The following PCDHGA4 variants were observed in gnomAD, a reference collection of about 807,000 sequenced individuals.
The protein encoded by PCDHGA4 is protocadherin gamma-A4.
In PCDHGA4, 38 loss-of-function variants were observed where a neutral mutation model predicts 54.6. The ratio of observed to expected loss-of-function variants is 0.70; its 90% CI spans 0.54 to 0.91. The LOEUF (loss-of-function observed/expected upper bound fraction) is 0.91. Ranked by LOEUF, PCDHGA4 falls within the 40% of genes least tolerant of loss-of-function variation. The pLI is 0.00. For missense variants in PCDHGA4, 1,298 were observed against 1,220.9 expected, an observed-to-expected ratio of 1.06 and a Z score of -0.94; for synonymous variants, 511 against 512.9, an observed-to-expected ratio of 1.00 and a Z score of 0.05.
At position 141,490,370 on chromosome 5, in the gene PCDHGA4, G is replaced by A. The variant is rs768474199; in HGVS notation, c.2515-4437G>A. Reference sequence around the variant, plus strand: ...GTGGGGTTGTTTAATGTGCGAGACCGGGACTCAGGTAGAAATGGTGAAGTG... The same window carrying A: ...GTGGGGTTGTTTAATGTGCGAGACCAGGACTCAGGTAGAAATGGTGAAGTG... On this transcript the variant is annotated intron_variant, in intron 1 of 3. Coordinates refer to ENST00000571252, the MANE Select transcript of PCDHGA4 (RefSeq NM_018917.4). The surrounding 1 kb of genome is among the most constrained non-coding windows in gnomAD (Gnocchi z 5.4). 32 of 1,614,054 alleles carry A rather than the reference G, an allele frequency of 2.0e-5. No homozygotes were observed. The highest frequency in any genetic ancestry group is 1.0e-4 in the Admixed American group (6 of 60,006).
rs149553852 is a variant in PCDHGA4 at position 141,415,009 on chromosome 5, C to T, written c.2514+57388C>T. On this transcript the variant is annotated intron_variant, in intron 1 of 3. Coordinates refer to ENST00000571252, the MANE Select transcript of PCDHGA4 (RefSeq NM_018917.4). ...CCAGAACGCCTGGCTGTCCTACCGT[C>T]TGCTCAAGGCCAGCGAGCCGGGACT... 1.9e-3 allele frequency: 3,040 copies of T among 1,613,658 alleles called. 49 individuals are homozygous for T. In the African/African-American group the frequency reaches 0.033, roughly 18 times the overall value.
chr5:141,365,735 GTC>G (rs779265335), intron 1 of PCDHGA4: 509 of 1,613,626 alleles, frequency 3.2e-4, no homozygotes, highest in Non-Finnish European at 3.1e-4. Flanking sequence ...TCCCAGAGGT[GTC>G]TCTATCTTCT....
In PCDHGA4 at chr5:141,357,486, C is replaced by T; in HGVS notation, c.2379C>T (p.Asp793=). 6.2e-7 allele frequency: 1 copy of T among 1,614,238 alleles called. No homozygotes were observed. Among genetic ancestry groups the T allele is most frequent in the South Asian group, 1.1e-5 (1 of 91,086 alleles). ...CCCACGAGGTCTCCCTCACCGCGGA[C>T]TCGCGGAAGAGTCACCTGATCTTCT... ...TYSHEVSLTA[D]SRKSHLIFSQ... Residue 793 remains aspartate, a synonymous_variant, in exon 1 of 4, where the codon GAC becomes GAT. Coordinates refer to ENST00000571252, the MANE Select transcript of PCDHGA4 (RefSeq NM_018917.4).
At position 141,408,901 on chromosome 5, in the gene PCDHGA4, G is replaced by A. The variant is rs529239605; in HGVS notation, c.2514+51280G>A. On this transcript the variant is annotated intron_variant, in intron 1 of 3. Transcript: ENST00000571252. ...CCGCTCACATAGAAATTTCTGTCAA[G>A]GATACCAATGATAACCCCCCGGTTT... 269 of 1,613,216 alleles carry A rather than the reference G, an allele frequency of 1.7e-4. 6 individuals carry two copies. The South Asian group carries it at 2.8e-3, about 17-fold the overall frequency.
rs762612048 is a variant in PCDHGA4 at position 141,388,612 on chromosome 5, G to A, written c.2514+30991G>A. The A allele has an allele frequency of 2.5e-5, 40 of 1,613,954 alleles. No homozygotes were observed. The East Asian group carries it at 5.3e-4, about 22-fold the overall frequency. ...GCCAATGATAATGCTCCAGTGTTCAGTCAAGACGTATACAGGGTGAGCCTT... is the reference window on the plus strand; with the variant it reads ...GCCAATGATAATGCTCCAGTGTTCAATCAAGACGTATACAGGGTGAGCCTT... On this transcript the variant is annotated intron_variant, in intron 1 of 3. Coordinates refer to ENST00000571252, the MANE Select transcript of PCDHGA4 (RefSeq NM_018917.4).
At chr5:141,375,761 C>A in intron 1 of PCDHGA4, 1 of 1,614,236 alleles carries the variant, frequency 6.2e-7, no homozygotes, top group Non-Finnish European at 8.5e-7. Flanking sequence ...TGACAATGCG[C>A]CCGAGATCCT....
rs748176272 is a variant in PCDHGA4, at chr5:141,371,620, C to A, written c.2514+13999C>A. On this transcript the variant is annotated intron_variant, in intron 1 of 3. Coordinates refer to ENST00000571252, the MANE Select transcript of PCDHGA4 (RefSeq NM_018917.4). ...ACATACAGGTTGGTGACAGATGGAG[C>A]CCTGGACCGGGAGCAGATCCCAGAA... The A allele has an allele frequency of 2.5e-6, 4 of 1,613,874 alleles. No homozygotes were observed. The African/African-American group carries it at 4.0e-5, about 16-fold the overall frequency.
chr5:141,454,796 ATTTTTTTTTTTTTTTTTT>A (rs61612330), intron 1 of PCDHGA4, among the ~76,000 whole-genome samples: 1 of 77,408 alleles, frequency 1.3e-5, no homozygotes, highest in Non-Finnish European at 2.3e-5. Flanking sequence ...CATGGTTCTA[ATTTTTTTTTTTTTTTTTT>A]TTTTTTTTTT....
At chr5:141,366,966 A>C in intron 1 of PCDHGA4, 1 of 605,066 alleles carries the variant, frequency 1.7e-6, no homozygotes. Context: ...TAAGTGAAAC[A>C]AATACCTTAA....
At chr5:141,368,303 C>T (rs981191656) in intron 1 of PCDHGA4, among the ~76,000 whole-genome samples, 2 of 152,066 alleles carry the variant, frequency 1.3e-5, no homozygotes, top group Non-Finnish European at 2.9e-5. Flanking sequence ...TTTTTAAACA[C>T]TGTTAAAGAG....
intron 1 of PCDHGA4, chr5:141,378,892 G>A (rs1477205995): frequency 1.3e-5 from 2 of 152,204 alleles, no homozygotes; most frequent in Non-Finnish European, 2.9e-5. Context: ...AAGGAGATAG[G>A]AGATTCTGTT....
In PCDHGA4 at chr5:141,418,244, C is replaced by T. The variant is rs746986702; in HGVS notation, c.2514+60623C>T. 1.3e-5 allele frequency: 21 copies of T among 1,613,980 alleles called. No individual in the cohort carries two copies. The South Asian group carries it at 2.2e-4, about 17-fold the overall frequency. ...TGTGGTGATTGAGGATGTTAATGAC[C>T]ACGCCCCTCAATTCCGGAAAGATGA... is the stretch of plus-strand genomic sequence containing the variant. On this transcript the variant is annotated intron_variant, in intron 1 of 3. Transcript: ENST00000571252.
chr5:141,405,760 G>T (rs1048838050), intron 1 of PCDHGA4, among the ~76,000 whole-genome samples: 2 of 152,148 alleles, frequency 1.3e-5, no homozygotes, highest in East Asian at 3.9e-4. Context: ...TTACAGGCGT[G>T]AGCCACTGCG....
intron 2 of PCDHGA4, 91 bp from the exon 3 acceptor site, chr5:141,505,302 G>T: frequency 6.3e-7 from 1 of 1,592,714 alleles, no homozygotes; most frequent in Non-Finnish European, 8.5e-7. Context: ...TAGGGTTAGG[G>T]TACTAGGTTT....
chr5:141,372,851 T>C lies in PCDHGA4; in HGVS notation c.2514+15230T>C, dbSNP rs756598936. 24 of 1,459,588 alleles carry C rather than the reference T, an allele frequency of 1.6e-5. No individual in the cohort carries two copies. The South Asian group carries it at 3.2e-4, about 19-fold the overall frequency. The allele number at this position is 1,459,588 out of a possible 1,614,324, so 90.4% of individuals were successfully genotyped here. A position where few individuals can be genotyped will look rare whatever the true frequency, so the allele number is the denominator to read the frequency against. ...CTTTCCTTCCATAAATATAATTGGG[T>C]TTCAATTCATTGATTTAGAGATAAA... On this transcript the variant is annotated intron_variant, in intron 1 of 3. Coordinates refer to ENST00000571252, the MANE Select transcript of PCDHGA4 (RefSeq NM_018917.4).
chr5:141,376,552 C>G lies in PCDHGA4; in HGVS notation c.2514+18931C>G, dbSNP rs372170088. On this transcript the variant is annotated intron_variant, in intron 1 of 3. Transcript: ENST00000571252. ...AGCGGGAAGAGTAATCTGATCTTCC[C>G]GCAACCCAACTAATCAGACAGGCTC... 3 of 1,611,220 alleles carry G rather than the reference C, an allele frequency of 1.9e-6. No individual in the cohort carries two copies. The African/African-American group carries it at 4.0e-5, about 22-fold the overall frequency.
At chr5:141,478,408 G>C in intron 1 of PCDHGA4, 1 of 1,613,340 alleles carries the variant, frequency 6.2e-7, no homozygotes, top group Non-Finnish European at 8.5e-7. Flanking sequence ...ATCTCACCAC[G>C]GACTCCCGCC....
chr5:141,460,924 A>ATATATG (rs1561985817), intron 1 of PCDHGA4, among the ~76,000 whole-genome samples: 1 of 150,496 alleles, frequency 6.6e-6, no homozygotes, highest in African/African-American at 2.4e-5. Flanking sequence ...ATATATATAT[A>ATATATG]TGTGTGTGTG....
chr5:141,403,163 A>C, intron 1 of PCDHGA4: 1 of 1,614,052 alleles, frequency 6.2e-7, no homozygotes, highest in South Asian at 1.1e-5. Flanking sequence ...CTCTAGAGGT[A>C]GGACGCAGCT....
Sources: gnomAD v4.1 joint callset for allele counts (sites outside exome capture counted in the v4.1 genomes callset) on GRCh38, gnomAD v4.1.1 for gene constraint, Gnocchi (gnomAD v3.1) non-coding constraint, MANE v1.5 for transcripts, NCBI Gene and HGNC (gene_info 2026-07-23, HGNC 2026-07-21) for gene names.